CFAP20DC: variants seen among roughly 807,000 people sequenced by gnomAD.
The protein encoded by CFAP20DC is protein CFAP20DC.
A neutral mutation model predicts 101.7 loss-of-function variants in CFAP20DC; 84 were observed. The observed-to-expected ratio is 0.83, with a 90% confidence interval of 0.69 to 0.99. The LOEUF (loss-of-function observed/expected upper bound fraction) is 0.99. Among genes scored for constraint, CFAP20DC ranks in the 50% least tolerant of loss-of-function variants. The pLI, the probability that CFAP20DC is intolerant of heterozygous loss-of-function variation, is 0.00. For synonymous variants in CFAP20DC, 359 were observed against 351.2 expected, an observed-to-expected ratio of 1.02 and a Z score of -0.25; for missense variants, 1,007 against 970.3, an observed-to-expected ratio of 1.04 and a Z score of -0.50.
chr3:58,854,469 G>T (rs1326415500), intron 12 of CFAP20DC, among the ~76,000 whole-genome samples: 1 of 151,800 alleles, frequency 6.6e-6, no homozygotes, highest in Non-Finnish European at 1.5e-5. Context: ...TTTCTTCACA[G>T]AATTGGAAAA....
At chr3:58,990,037 G>C (rs890837516) in intron 4 of CFAP20DC, among the ~76,000 whole-genome samples, 3 of 152,102 alleles carry the variant, frequency 2.0e-5, no homozygotes, top group Non-Finnish European at 2.9e-5. Context: ...AAATGCCTAA[G>C]AGGTGCCTGC....
intron 6 of CFAP20DC, among the ~76,000 whole-genome samples, chr3:58,910,845 T>C (rs1559808140): frequency 6.6e-6 from 1 of 152,066 alleles, no homozygotes; most frequent in Non-Finnish European, 1.5e-5. Context: ...TCAAAATATT[T>C]CCTAAGTTTT....
intron 4 of CFAP20DC, chr3:58,992,461 T>C: frequency 1.6e-5 from 9 of 564,404 alleles, no homozygotes; most frequent in Non-Finnish European, 2.0e-5. Flanking sequence ...TTGAATGACA[T>C]ATTGGTCAGA....
At chr3:58,793,491 T>C (rs2073013623) in intron 15 of CFAP20DC, among the ~76,000 whole-genome samples, 1 of 152,134 alleles carries the variant, frequency 6.6e-6, no homozygotes, top group Admixed American at 6.6e-5. Flanking sequence ...ATTTCCAAAA[T>C]GAAGGCAGTT....
intron 15 of CFAP20DC, among the ~76,000 whole-genome samples, chr3:58,801,565 C>T (rs2073705643): frequency 6.6e-6 from 1 of 151,688 alleles, no homozygotes; most frequent in African/African-American, 2.4e-5. Flanking sequence ...TGATGGGAAA[C>T]TAAAAAGCTT....
Position 58,717,586 on chromosome 3 carries a change from CT to C in CFAP20DC, c.*1del. The C allele has an allele frequency of 2.2e-6, 1 of 453,040 alleles. No individual in the cohort carries two copies. Among genetic ancestry groups the C allele is most frequent in the Non-Finnish European group, 4.4e-6 (1 of 226,044 alleles). The allele number at this position is 453,040 out of a possible 1,614,324, so 28.1% of individuals were successfully genotyped here. On this transcript the variant is annotated 3_prime_UTR_variant, in exon 4 of 4. Transcript: ENST00000486145. The surrounding 1 kb of genome is among the most constrained non-coding windows in gnomAD (Gnocchi z 4.1). ...GATATCTTTAGAGTGTGAGTTTTGC[CT>C]TCACAGTTGCAAAATGGCTGTAGCA...
intron 15 of CFAP20DC, among the ~76,000 whole-genome samples, chr3:58,780,713 A>G (rs1299723736): frequency 1.3e-5 from 2 of 152,046 alleles, no homozygotes; most frequent in Non-Finnish European, 2.9e-5. Flanking sequence ...TTATGTAATG[A>G]CAAAAGTAAG....
At chr3:58,884,064 T>G (rs1321264925) in intron 7 of CFAP20DC, among the ~76,000 whole-genome samples, 1 of 151,974 alleles carries the variant, frequency 6.6e-6, no homozygotes, top group African/African-American at 2.4e-5. Flanking sequence ...CAGCTCCTCT[T>G]GAAAAAAAAT....
At chr3:58,980,960 T>C (rs1296738725) in intron 4 of CFAP20DC, among the ~76,000 whole-genome samples, 17 of 152,198 alleles carry the variant, frequency 1.1e-4, no homozygotes, top group Non-Finnish European at 1.9e-4. Context: ...GAAAACCCCA[T>C]TGTCTCAGCC....
chr3:59,034,959 G>T (rs1167265259), intron 4 of CFAP20DC, among the ~76,000 whole-genome samples: 1 of 152,102 alleles, frequency 6.6e-6, no homozygotes, highest in Non-Finnish European at 1.5e-5. Flanking sequence ...ACATTCCTCA[G>T]CAAATGCAAA....
chr3:58,987,834 TA>T (rs1337918384), intron 4 of CFAP20DC, among the ~76,000 whole-genome samples: 1 of 151,976 alleles, frequency 6.6e-6, no homozygotes, highest in Non-Finnish European at 1.5e-5. Flanking sequence ...TATTGGTGGT[TA>T]AAAATCTATC....
intron 5 of CFAP20DC, among the ~76,000 whole-genome samples, chr3:58,916,780 G>C (rs1293487528): frequency 2.6e-5 from 4 of 152,104 alleles, no homozygotes; most frequent in African/African-American, 9.7e-5. Context: ...TATTGATAAA[G>C]CTTCCAATAC....
chr3:58,843,359 G>A lies in CFAP20DC; in HGVS notation c.1971+5673C>T, dbSNP rs1021979367. Among the ~76,000 whole-genome samples, 13 of 152,258 alleles carry A rather than the reference G, an allele frequency of 8.5e-5. 1 individual carries two copies. The highest frequency in any genetic ancestry group is 2.9e-4 in the African/African-American group (12 of 41,552). On this transcript the variant is annotated intron_variant, in intron 13 of 16. Coordinates refer to ENST00000482387, the MANE Select transcript of CFAP20DC (RefSeq NM_001394063.1). Reference sequence around the variant, plus strand: ...GAAAACCAAGGCTCGAGAACTACGTGAAGAATGCAGAAGCCTCAGGAGCCC... The same window carrying A: ...GAAAACCAAGGCTCGAGAACTACGTAAAGAATGCAGAAGCCTCAGGAGCCC...
At chr3:58,854,458 C>T (rs1243619303) in intron 12 of CFAP20DC, among the ~76,000 whole-genome samples, 1 of 151,860 alleles carries the variant, frequency 6.6e-6, no homozygotes, top group Non-Finnish European at 1.5e-5. Context: ...CTACCAATGA[C>T]TTTCTTCACA....
At chr3:59,040,353 T>G (rs909699054) in intron 3 of CFAP20DC, among the ~76,000 whole-genome samples, 1 of 152,060 alleles carries the variant, frequency 6.6e-6, no homozygotes, top group Non-Finnish European at 1.5e-5. Flanking sequence ...TCAATTGATT[T>G]TATATTACCT....
At chr3:58,736,425 C>T (rs1248270601) in intron 3 of CFAP20DC, among the ~76,000 whole-genome samples, 1 of 152,136 alleles carries the variant, frequency 6.6e-6, no homozygotes, top group Non-Finnish European at 1.5e-5. Context: ...TGATTCTAAT[C>T]CCATTATTAA....
In CFAP20DC at chr3:58,941,113, G is replaced by A. The variant is rs572748127; in HGVS notation, c.279-3351C>T. On this transcript the variant is annotated intron_variant, in intron 4 of 16. Transcript: ENST00000482387. The stretch of plus-strand genomic sequence containing the variant: ...TGGGAGGCTGAGGCGGGTGGATCAC[G>A]AGGTCAAGAGATTTAGATGATCCTG... Among the ~76,000 whole-genome samples the A allele has an allele frequency of 2.2e-3, 339 of 151,956 alleles. 14 individuals are homozygous for A. Among genetic ancestry groups the A allele is most frequent in the Admixed American group, 0.022 (338 of 15,276 alleles).
intron 13 of CFAP20DC, among the ~76,000 whole-genome samples, chr3:58,845,406 A>T (rs1476526409): frequency 6.6e-6 from 1 of 152,112 alleles, no homozygotes; most frequent in East Asian, 1.9e-4. Flanking sequence ...TAAACTAGAA[A>T]ATCTAGAAGA....
intron 4 of CFAP20DC, among the ~76,000 whole-genome samples, chr3:58,979,790 T>C (rs542557455): frequency 2.8e-4 from 42 of 152,194 alleles, no homozygotes; most frequent in African/African-American, 9.9e-4. Context: ...AAAGTTGAGA[T>C]TTAATGTTTT....
Sources: allele counts gnomAD v4.1 joint callset (sites outside exome capture counted in the v4.1 genomes callset), GRCh38; gene constraint gnomAD v4.1.1; non-coding constraint Gnocchi (gnomAD v3.1); transcripts MANE v1.5; gene names NCBI Gene and HGNC (gene_info 2026-07-23, HGNC 2026-07-21).